Variants in TBC1D5 observed in about 807,000 individuals in gnomAD.
TBC1D5 encodes the protein TBC1 domain family, member 5.
TBC1D5 carries 75 observed loss-of-function variants against 100.3 expected under a neutral mutation model. The observed-to-expected ratio is 0.75, with a 90% CI of 0.62 to 0.91. The LOEUF is 0.91. Ranked by LOEUF, TBC1D5 falls within the 40% of genes least tolerant of loss-of-function variation. The pLI, the probability that TBC1D5 is intolerant of heterozygous loss-of-function variation, is 0.00. For synonymous variants in TBC1D5, 323 were observed against 325.6 expected (o/e 0.99, Z 0.09); for missense variants, 910 against 942.4 (o/e 0.97, Z 0.45).
intron 1 of TBC1D5, among the ~76,000 whole-genome samples, chr3:17,710,993 G>C (rs1001702794): frequency 2.0e-5 from 3 of 151,982 alleles, no homozygotes; most frequent in Non-Finnish European, 4.4e-5. Context: ...CACCATACAC[G>C]GTCTGTTTTC....
chr3:17,164,368 C>T (rs1333951571), intron 21 of TBC1D5, among the ~76,000 whole-genome samples: 3 of 152,234 alleles, frequency 2.0e-5, no homozygotes, highest in Non-Finnish European at 4.4e-5. Flanking sequence ...AAACCCATCC[C>T]TAAGTTAGGA....
chr3:17,214,580 T>C (rs967305049), intron 17 of TBC1D5, among the ~76,000 whole-genome samples: 1 of 151,832 alleles, frequency 6.6e-6, no homozygotes, highest in Non-Finnish European at 1.5e-5. Context: ...TCTACCACTA[T>C]AGTTTTCTAT....
At chr3:17,673,034 G>C (rs573696697) in intron 1 of TBC1D5, among the ~76,000 whole-genome samples, 6 of 152,274 alleles carry the variant, frequency 3.9e-5, no homozygotes, top group Middle Eastern at 3.4e-3. Flanking sequence ...AGTAACCGTT[G>C]AGGAATAACG....
chr3:17,693,670 G>A (rs991784218), intron 1 of TBC1D5, among the ~76,000 whole-genome samples: 1 of 152,252 alleles, frequency 6.6e-6, no homozygotes, highest in Non-Finnish European at 1.5e-5. Flanking sequence ...TGGACAAAAG[G>A]CAGCAGACAA....
intron 2 of TBC1D5, among the ~76,000 whole-genome samples, chr3:17,591,791 G>A (rs528368995): frequency 6.6e-6 from 1 of 152,310 alleles, no homozygotes; most frequent in Non-Finnish European, 1.5e-5. Flanking sequence ...CATTAGAGCT[G>A]CCTCTACCTA....
chr3:17,701,658 G>T (rs7613953), intron 1 of TBC1D5, among the ~76,000 whole-genome samples: 75,875 of 151,542 alleles, frequency 0.5, 20,556 homozygotes, highest in East Asian at 0.94. Flanking sequence ...TAAAAGAGAG[G>T]ATATGAACAG....
At chr3:17,676,690 C>T (rs1270251935) in intron 1 of TBC1D5, among the ~76,000 whole-genome samples, 2 of 152,130 alleles carry the variant, frequency 1.3e-5, no homozygotes, top group South Asian at 4.1e-4. Flanking sequence ...GCCCGCATTG[C>T]CAAGACAATC....
At chr3:17,231,309 G>T (rs983784516) in intron 17 of TBC1D5, among the ~76,000 whole-genome samples, 3 of 151,964 alleles carry the variant, frequency 2.0e-5, no homozygotes, top group Non-Finnish European at 4.4e-5. Flanking sequence ...GTCTGCTGTG[G>T]CTTTTTTTTG....
rs2085256552 is a variant in TBC1D5 at position 17,320,370 on chromosome 3, C to A, written c.996-12236G>T. Among the ~76,000 whole-genome samples the A allele has an allele frequency of 1.3e-5, 2 of 152,156 alleles. 1 individual carries two copies. Among genetic ancestry groups the A allele is most frequent in the South Asian group, 4.1e-4 (2 of 4,830 alleles). ...TACCTACTAAATCAGAAGCTCTAGG[C>A]AAAGTTCAGCAATCTGTATTTTAAA... On this transcript the variant is annotated intron_variant, in intron 13 of 21. Transcript: ENST00000253692.
At chr3:17,424,509 C>T (rs928348197) in intron 4 of TBC1D5, among the ~76,000 whole-genome samples, 4 of 152,180 alleles carry the variant, frequency 2.6e-5, no homozygotes, top group East Asian at 1.9e-4. Context: ...ACAACATTAA[C>T]GTTGGTCTTT....
chr3:17,506,982 C>T (rs1366977568), intron 3 of TBC1D5, among the ~76,000 whole-genome samples: 1 of 152,176 alleles, frequency 6.6e-6, no homozygotes, highest in Admixed American at 6.5e-5. Context: ...CGCCATTGCA[C>T]TCCAGCCTGG....
chr3:17,230,382 A>G (rs1011980719), intron 17 of TBC1D5, among the ~76,000 whole-genome samples: 2 of 152,062 alleles, frequency 1.3e-5, no homozygotes, highest in Non-Finnish European at 2.9e-5. Context: ...AATTTAATAT[A>G]TATTTTTTTC....
At chr3:17,482,081 T>A (rs541322790) in intron 3 of TBC1D5, among the ~76,000 whole-genome samples, 8 of 152,296 alleles carry the variant, frequency 5.3e-5, no homozygotes, top group African/African-American at 1.7e-4. Context: ...AAGAAAATGA[T>A]CCTTAAATAA....
intron 3 of TBC1D5, among the ~76,000 whole-genome samples, chr3:17,496,950 C>G (rs2095714870): frequency 6.6e-6 from 1 of 152,086 alleles, no homozygotes; most frequent in South Asian, 2.1e-4. Flanking sequence ...CTGTGTCATT[C>G]CCCTGTCACC....
intron 2 of TBC1D5, among the ~76,000 whole-genome samples, chr3:17,598,135 G>T (rs1313009434): frequency 1.3e-5 from 2 of 152,142 alleles, no homozygotes; most frequent in Admixed American, 6.6e-5. Flanking sequence ...TGAGAAGTGA[G>T]AAAATTTCAG....
chr3:17,677,602 C>T, intron 1 of TBC1D5, among the ~76,000 whole-genome samples: 1 of 152,132 alleles, frequency 6.6e-6, no homozygotes, highest in Admixed American at 6.5e-5. Context: ...TCCTCAAGGA[C>T]CCAGAACTAG....
intron 1 of TBC1D5, among the ~76,000 whole-genome samples, chr3:17,646,622 T>A (rs952737031): frequency 6.6e-6 from 1 of 152,164 alleles, no homozygotes; most frequent in Non-Finnish European, 1.5e-5. Context: ...ATCACCATCA[T>A]GCCCCTGGAC....
chr3:17,203,007 C>G (rs1038604865), intron 18 of TBC1D5, among the ~76,000 whole-genome samples: 15 of 152,278 alleles, frequency 9.9e-5, no homozygotes, highest in African/African-American at 3.4e-4. Flanking sequence ...TCCTCCAGAC[C>G]CCAGAATGGT....
At chr3:17,700,231 C>G (rs1306394172) in intron 1 of TBC1D5, among the ~76,000 whole-genome samples, 2 of 151,254 alleles carry the variant, frequency 1.3e-5, no homozygotes, top group Non-Finnish European at 2.9e-5. Context: ...AATGGGGAAA[C>G]AATTCCCTAT....
Sources: allele counts gnomAD v4.1 joint callset (sites outside exome capture counted in the v4.1 genomes callset), GRCh38; gene constraint gnomAD v4.1.1; transcripts MANE v1.5; gene names NCBI Gene and HGNC (gene_info 2026-07-23, HGNC 2026-07-21).